Variants in CNTN3 observed in about 807,000 individuals in gnomAD.
The protein encoded by CNTN3 is contactin-3.
Under a neutral mutation model 119.1 loss-of-function variants are expected in CNTN3, and 60 were observed. The observed-to-expected ratio is 0.50, with a 90% CI of 0.41 to 0.62. CNTN3 has a LOEUF of 0.62. Ranked by LOEUF, CNTN3 falls within the 20% of genes least tolerant of loss-of-function variation. CNTN3 has a pLI of 0.00. For synonymous variants in CNTN3, 450 were observed against 438.7 expected (o/e 1.03, Z -0.32); for missense variants, 1,101 against 1,242.4 (o/e 0.89, Z 1.71).
intron 5 of CNTN3, among the ~76,000 whole-genome samples, chr3:74,390,563 G>A (rs1055205899): frequency 1.3e-5 from 2 of 152,068 alleles, no homozygotes; most frequent in Non-Finnish European, 2.9e-5. Flanking sequence ...GTAGGCATGG[G>A]AAGGGAAAGC....
At chr3:74,435,212 T>A (rs1238086601) in intron 4 of CNTN3, among the ~76,000 whole-genome samples, 1 of 152,212 alleles carries the variant, frequency 6.6e-6, no homozygotes, top group Non-Finnish European at 1.5e-5. Context: ...TCTTGCTCTG[T>A]TGTCTAGGCT....
chr3:74,415,905 A>G (rs995446381), intron 5 of CNTN3, among the ~76,000 whole-genome samples: 7 of 152,208 alleles, frequency 4.6e-5, no homozygotes, highest in African/African-American at 1.7e-4. Flanking sequence ...CCCAGGAGAC[A>G]GCATCTGATT....
At chr3:74,552,490 T>C (rs1010645773) in intron 1 of CNTN3, among the ~76,000 whole-genome samples, 1 of 152,194 alleles carries the variant, frequency 6.6e-6, no homozygotes, top group Non-Finnish European at 1.5e-5. Flanking sequence ...ATTGTGGCCA[T>C]GGTAATATAT....
intron 1 of CNTN3, 84 bp from the exon 2 acceptor site, chr3:74,521,276 A>G: frequency 2.4e-6 from 1 of 417,868 alleles, no homozygotes; most frequent in East Asian, 3.7e-5. Context: ...TTTCGTAAAA[A>G]CTGTTTATCA....
intron 11 of CNTN3, among the ~76,000 whole-genome samples, chr3:74,344,662 T>A (rs993975356): frequency 6.6e-6 from 1 of 151,922 alleles, no homozygotes; most frequent in Non-Finnish European, 1.5e-5. Flanking sequence ...GGTTTCACCG[T>A]GTTAGCTAGG....
chr3:74,569,600 T>G (rs1363295343), intron 1 of CNTN3, among the ~76,000 whole-genome samples: 1 of 152,248 alleles, frequency 6.6e-6, no homozygotes, highest in Non-Finnish European at 1.5e-5. Context: ...AATAAGATCT[T>G]GATAAGGACC....
intron 1 of CNTN3, among the ~76,000 whole-genome samples, chr3:74,589,937 T>C (rs1280269445): frequency 1.7e-5 from 2 of 118,312 alleles, no homozygotes; most frequent in Admixed American, 1.1e-4. Context: ...AAGGGGAACA[T>C]CACACTCTGG....
At chr3:74,406,127 T>C (rs1248961309) in intron 5 of CNTN3, among the ~76,000 whole-genome samples, 2 of 152,022 alleles carry the variant, frequency 1.3e-5, no homozygotes, top group African/African-American at 2.4e-5. Context: ...CAAATCAAAA[T>C]AAAATCCGCA....
chr3:74,264,236 C>A lies in CNTN3; in HGVS notation c.*165G>T. The stretch of plus-strand genomic sequence containing the variant: ...TTAATATTAAGGCATTTCAGATTCC[C>A]CTAAAAGGATTTACTGTTTTTTTAA... On this transcript the variant is annotated 3_prime_UTR_variant, in exon 23 of 23. Transcript: ENST00000263665. 4.7e-6 allele frequency: 2 copies of A among 423,782 alleles called. No individual in the cohort carries two copies. Among genetic ancestry groups the A allele is most frequent in the Non-Finnish European group, 8.4e-6 (2 of 236,796 alleles). 26.3% of individuals were successfully genotyped at this position (423,782 alleles called of 1,614,324 possible). A position where few individuals can be genotyped will look rare whatever the true frequency, so the allele number is the denominator to read the frequency against.
At chr3:74,293,640 A>T (rs1397669829) in intron 19 of CNTN3, among the ~76,000 whole-genome samples, 1 of 151,886 alleles carries the variant, frequency 6.6e-6, no homozygotes, top group Non-Finnish European at 1.5e-5. Context: ...ATGCCTGGCT[A>T]ATTTTTGTAT....
At chr3:74,500,696 G>A (rs779011721) in intron 2 of CNTN3, among the ~76,000 whole-genome samples, 3 of 151,958 alleles carry the variant, frequency 2.0e-5, no homozygotes, top group Non-Finnish European at 4.4e-5. Context: ...TGGCATTTTG[G>A]CTACTTCGAA....
At chr3:74,400,207 C>T (rs1705157005) in intron 5 of CNTN3, among the ~76,000 whole-genome samples, 1 of 152,128 alleles carries the variant, frequency 6.6e-6, no homozygotes, top group Non-Finnish European at 1.5e-5. Flanking sequence ...TCCAAATTAA[C>T]ATAAGGCTCT....
intron 2 of CNTN3, among the ~76,000 whole-genome samples, chr3:74,507,278 C>T (rs552965774): frequency 8.8e-4 from 133 of 151,982 alleles, no homozygotes; most frequent in African/African-American, 1.9e-3. Context: ...ATTAGTGGGG[C>T]GCAGTAGTGC....
chr3:74,268,466 G>A (rs568747963), intron 20 of CNTN3, among the ~76,000 whole-genome samples: 2 of 152,230 alleles, frequency 1.3e-5, no homozygotes, highest in South Asian at 2.1e-4. Flanking sequence ...TGCCATAGGG[G>A]AAATACAGCT....
intron 13 of CNTN3, among the ~76,000 whole-genome samples, chr3:74,328,398 T>C (rs915067572): frequency 2.0e-5 from 3 of 152,208 alleles, no homozygotes; most frequent in African/African-American, 7.2e-5. Context: ...AAATTAACAT[T>C]TGTTGCACTC....
rs537207513 is a variant in CNTN3 at position 74,381,934 on chromosome 3, A to G, written c.455-10535T>C. On this transcript the variant is annotated intron_variant, in intron 5 of 22. Coordinates refer to ENST00000263665, the MANE Select transcript of CNTN3 (RefSeq NM_020872.3). ...TTTAAAATAATATTTATTGGCTGGG[A>G]GTGGTGGCTCACTCCTGTAATACCA... 5.7e-3 allele frequency among the ~76,000 whole-genome samples: 868 copies of G among 152,202 alleles called. 5 individuals carry two copies. The highest frequency in any genetic ancestry group is 0.02 in the African/African-American group (815 of 41,566).
intron 4 of CNTN3, among the ~76,000 whole-genome samples, chr3:74,469,609 C>T (rs935493471): frequency 6.6e-6 from 1 of 152,146 alleles, no homozygotes; most frequent in African/African-American, 2.4e-5. Flanking sequence ...AAGCTCACAT[C>T]GTTAGTCATC....
chr3:74,395,054 A>G (rs1486538224), intron 5 of CNTN3, among the ~76,000 whole-genome samples: 1 of 152,202 alleles, frequency 6.6e-6, no homozygotes, highest in Non-Finnish European at 1.5e-5. Context: ...GTAATAAACA[A>G]AGTGGCTTGA....
intron 12 of CNTN3, among the ~76,000 whole-genome samples, chr3:74,336,248 T>A (rs1317786179): frequency 6.6e-6 from 1 of 152,084 alleles, no homozygotes; most frequent in African/African-American, 2.4e-5. Flanking sequence ...CATAATAGAA[T>A]TTTATTTAAA....
Sources: allele counts gnomAD v4.1 joint callset (sites outside exome capture counted in the v4.1 genomes callset), GRCh38; gene constraint gnomAD v4.1.1; transcripts MANE v1.5; gene names NCBI Gene and HGNC (gene_info 2026-07-23, HGNC 2026-07-21).